Variants in CBR4 observed in about 807,000 individuals in gnomAD.
CBR4 encodes the protein 3-oxoacyl-[acyl-carrier-protein] reductase.
CBR4 carries 22 observed loss-of-function variants against 21.0 expected under a neutral mutation model. That is an observed-to-expected ratio of 1.05 (90% CI 0.75 to 1.50). The LOEUF (loss-of-function observed/expected upper bound fraction) is 1.50, where lower values mean the gene tolerates loss of function less well. Among genes scored for constraint, CBR4 ranks in the 40% most tolerant of loss-of-function variants. The pLI is 0.00. For synonymous variants in CBR4, 100 were observed against 104.4 expected (o/e 0.96, Z 0.26); for missense variants, 302 against 286.3 (o/e 1.05, Z -0.40).
At chr4:168,935,834 G>A (rs1763097358) in intron 2 of CBR4, among the ~76,000 whole-genome samples, 1 of 152,192 alleles carries the variant, frequency 6.6e-6, no homozygotes, top group South Asian at 2.1e-4. Context: ...GGTGGGTGCA[G>A]CTTCAGCAGA....
At chr4:168,998,069 T>C (rs1765291133) in intron 4 of CBR4, among the ~76,000 whole-genome samples, 1 of 152,202 alleles carries the variant, frequency 6.6e-6, no homozygotes, top group Non-Finnish European at 1.5e-5. Context: ...CTCATGCAAA[T>C]CTTTGTCAAC....
chr4:168,943,728 G>A (rs1763324585), intron 2 of CBR4, among the ~76,000 whole-genome samples: 2 of 152,040 alleles, frequency 1.3e-5, no homozygotes, highest in African/African-American at 4.8e-5. Flanking sequence ...TGGCCAACAT[G>A]GTGAAACCCC....
intron 2 of CBR4, among the ~76,000 whole-genome samples, chr4:168,932,003 G>C (rs1234776730): frequency 6.6e-6 from 1 of 151,828 alleles, no homozygotes; most frequent in Non-Finnish European, 1.5e-5. Context: ...CAGATGCATA[G>C]AAATCAACAT....
intron 4 of CBR4, among the ~76,000 whole-genome samples, chr4:168,994,187 AC>A (rs1765066075): frequency 6.6e-6 from 1 of 152,262 alleles, no homozygotes; most frequent in Admixed American, 6.5e-5. Flanking sequence ...AGTATTCCTT[AC>A]GGGAAACAAA....
chr4:168,996,090 A>G (rs1451611095), intron 4 of CBR4, among the ~76,000 whole-genome samples: 1 of 152,156 alleles, frequency 6.6e-6, no homozygotes, highest in East Asian at 1.9e-4. Context: ...AAAGCTTGCC[A>G]CAATCTCTCC....
downstream of CBR4, among the ~76,000 whole-genome samples, chr4:168,983,670 G>A (rs888190240): frequency 1.3e-5 from 2 of 151,330 alleles, no homozygotes; most frequent in African/African-American, 2.4e-5. Flanking sequence ...ACAAAATACC[G>A]GCAAAACAAA....
At chr4:168,980,974 C>T (rs1475146571) in intron 2 of CBR4, among the ~76,000 whole-genome samples, 1 of 152,166 alleles carries the variant, frequency 6.6e-6, no homozygotes, top group Non-Finnish European at 1.5e-5. Context: ...GCTGAAATGA[C>T]AGACACAGAA....
In CBR4 at chr4:168,987,761, T is replaced by C. The variant is rs1764739244; in HGVS notation, c.*2389A>G. The C allele has an allele frequency of 4.1e-6, 4 of 985,054 alleles. No homozygotes were observed. The highest frequency in any genetic ancestry group is 4.8e-6 in the Non-Finnish European group (4 of 829,592). The allele number at this position is 985,054 out of a possible 1,614,324, so 61.0% of individuals were successfully genotyped here. A position where few individuals can be genotyped will look rare whatever the true frequency, so the allele number is the denominator to read the frequency against. On this transcript the variant is annotated 3_prime_UTR_variant, in exon 5 of 5. Coordinates refer to ENST00000306193, the MANE Select transcript of CBR4 (RefSeq NM_032783.5). ...CGTAGTCTTCTCTCTTTATTCTGAA[T>C]AACAGAAGCACGTAAATTAAATTAT... is the stretch of plus-strand genomic sequence containing the variant.
Position 168,906,881 on chromosome 4 carries a change from A to G in CBR4, n.170-12116T>C, listed in dbSNP as rs898843178. ...AAACCCTTGTTAACATAGGAAAAAA[A>G]GGAAAGGAAGGAAATAAAAAAGAAA... On this transcript the variant is annotated intron_variant and non_coding_transcript_variant, in intron 2 of 3. Transcript: ENST00000509108. 3.3e-5 allele frequency among the ~76,000 whole-genome samples: 5 copies of G among 152,342 alleles called. No individual in the cohort carries two copies. In the East Asian group the frequency reaches 9.6e-4, roughly 29 times the overall value.
At chr4:168,970,553 G>A (rs1764174629) in intron 2 of CBR4, among the ~76,000 whole-genome samples, 1 of 151,912 alleles carries the variant, frequency 6.6e-6, no homozygotes, top group Non-Finnish European at 1.5e-5. Flanking sequence ...AAGTTATTTA[G>A]GTGTGATTTC....
In CBR4 at chr4:169,007,679, A is replaced by C. The variant is rs773079290; in HGVS notation, c.220T>G (p.Leu74Val). Reference protein sequence around the residue: ...QNTFEELEKHLGRVNFLVNAA... With the variant: ...QNTFEELEKHVGRVNFLVNAA... ...TTTACCAAGAAATTTACTCGACCTA[A>C]ATGTTTCTCCAGCTCTTCAAATGTA... Residue 74 changes from leucine (L) to valine (V), a missense_variant, in exon 2 of 5, where the codon TTA becomes GTA. Leu to Val is a conservative substitution (Grantham distance 32). Coordinates refer to ENST00000306193, the MANE Select transcript of CBR4 (RefSeq NM_032783.5). 1 of 1,594,618 alleles carries C rather than the reference A, an allele frequency of 6.3e-7. No individual in the cohort carries two copies. Among genetic ancestry groups the C allele is most frequent in the East Asian group, 2.3e-5 (1 of 43,160 alleles).
intron 2 of CBR4, among the ~76,000 whole-genome samples, chr4:168,916,293 T>G (rs935514520): frequency 6.6e-6 from 1 of 151,990 alleles, no homozygotes; most frequent in Admixed American, 6.6e-5. Context: ...GTGCCTATAG[T>G]CCCATCTACT....
At chr4:168,972,635 C>A (rs1034577341) in intron 2 of CBR4, among the ~76,000 whole-genome samples, 1 of 152,130 alleles carries the variant, frequency 6.6e-6, no homozygotes, top group African/African-American at 2.4e-5. Flanking sequence ...GATTTTGTAT[C>A]CTGAAACTTT....
intron 2 of CBR4, among the ~76,000 whole-genome samples, chr4:168,933,028 A>G (rs1763011657): frequency 6.6e-6 from 1 of 152,136 alleles, no homozygotes; most frequent in African/African-American, 2.4e-5. Flanking sequence ...TACAAAAGAG[A>G]AAGAGAAAGG....
At chr4:168,936,859 T>G (rs561425065) in intron 2 of CBR4, among the ~76,000 whole-genome samples, 27 of 152,114 alleles carry the variant, frequency 1.8e-4, no homozygotes, top group Non-Finnish European at 3.4e-4. Context: ...TGGAAAACAC[T>G]CTTCAGGATA....
chr4:168,919,115 C>G (rs1430052159), intron 2 of CBR4, among the ~76,000 whole-genome samples: 1 of 152,176 alleles, frequency 6.6e-6, no homozygotes, highest in Non-Finnish European at 1.5e-5. Flanking sequence ...ACAGTACTGT[C>G]TTTCACTGGA....
intron 2 of CBR4, among the ~76,000 whole-genome samples, chr4:168,962,536 TATTAAG>T (rs1763892247): frequency 6.6e-6 from 1 of 152,130 alleles, no homozygotes; most frequent in Non-Finnish European, 1.5e-5. Context: ...TGAGAGTGAA[TATTAAG>T]ATTAAGAACA....
chr4:168,924,219 T>TATCA lies in CBR4; in HGVS notation n.170-29458_170-29455dup, dbSNP rs778333916. The TATCA allele has an allele frequency of 2.5e-6, 4 of 1,582,996 alleles. No homozygotes were observed. In the African/African-American group the frequency reaches 4.0e-5, roughly 16 times the overall value. ...AATTCTTTCTAGTGCTCCTTTTGTA[T>TATCA]ATCATTGATAGAGAATTCATCTCAT... On this transcript the variant is annotated intron_variant and non_coding_transcript_variant, in intron 2 of 3. Transcript: ENST00000509108.
At chr4:168,926,392 A>ATTCTTGTTAAAGCTGAAACAC in intron 2 of CBR4, 2 of 1,534,756 alleles carry the variant, frequency 1.3e-6, no homozygotes, top group South Asian at 2.4e-5. Context: ...GTAATCCAGC[A>ATTCTTGTTAAAGCTGAAACAC]TTCTTGTTAA....
Sources: allele counts gnomAD v4.1 joint callset (sites outside exome capture counted in the v4.1 genomes callset), GRCh38; gene constraint gnomAD v4.1.1; transcripts MANE v1.5; gene names NCBI Gene and HGNC (gene_info 2026-07-23, HGNC 2026-07-21).